VEZT: variants seen among roughly 807,000 people sequenced by gnomAD.
VEZT encodes the protein vezatin, adherens junctions transmembrane protein, also known as vezatin.
VEZT carries 39 observed loss-of-function variants against 79.9 expected under a neutral mutation model. The ratio of observed to expected loss-of-function variants is 0.49; its 90% CI spans 0.38 to 0.64. The LOEUF (loss-of-function observed/expected upper bound fraction) is 0.64. Among genes scored for constraint, VEZT ranks in the 30% least tolerant of loss-of-function variants. The pLI, the probability that VEZT is intolerant of heterozygous loss-of-function variation, is 0.00. For synonymous variants in VEZT, 325 were observed against 327.6 expected (o/e 0.99, Z 0.09); for missense variants, 837 against 893.1 (o/e 0.94, Z 0.80).
At chr12:95,293,792 T>G (rs934106714) in intron 9 of VEZT, 1 of 154,752 alleles carries the variant, frequency 6.5e-6, no homozygotes, top group African/African-American at 2.4e-5. Context: ...GTAAATCTAC[T>G]AATTTATTGT....
intron 1 of VEZT, among the ~76,000 whole-genome samples, chr12:95,234,217 G>T (rs1310664677): frequency 6.7e-6 from 1 of 149,776 alleles, no homozygotes; most frequent in Non-Finnish European, 1.5e-5. Flanking sequence ...ATTATTACTG[G>T]TTTATGTGGC....
intron 6 of VEZT, among the ~76,000 whole-genome samples, chr12:95,274,414 C>T (rs536551796): frequency 2.6e-5 from 4 of 152,030 alleles, no homozygotes; most frequent in Admixed American, 6.6e-5. Context: ...TGCAGTGAGC[C>T]GGGTTGGTGC....
At chr12:95,241,405 A>G (rs916185792) in intron 1 of VEZT, among the ~76,000 whole-genome samples, 2 of 152,118 alleles carry the variant, frequency 1.3e-5, no homozygotes, top group Non-Finnish European at 1.5e-5. Context: ...TCCAGGCTCA[A>G]GCAATCCTTC....
intron 7 of VEZT, among the ~76,000 whole-genome samples, 200 bp downstream of exon 7, chr12:95,275,089 T>G (rs1293361155): frequency 1.3e-5 from 2 of 152,216 alleles, no homozygotes; most frequent in Non-Finnish European, 2.9e-5. Context: ...ATCCTTAGAT[T>G]TTGACGTCCA....
intron 11 of VEZT, 108 bp downstream of exon 11, chr12:95,296,366 C>A: frequency 2.0e-6 from 2 of 1,021,306 alleles, no homozygotes; most frequent in African/African-American, 1.6e-5. Flanking sequence ...TTATAAGGGT[C>A]CACCAGTATG....
intron 11 of VEZT, chr12:95,299,303 G>T (rs894090549): frequency 6.5e-6 from 1 of 154,630 alleles, no homozygotes; most frequent in African/African-American, 2.4e-5. Flanking sequence ...ATACTATATT[G>T]TATTGTACTA....
chr12:95,239,056 C>T (rs1248648492), intron 1 of VEZT, among the ~76,000 whole-genome samples: 2 of 152,108 alleles, frequency 1.3e-5, no homozygotes, highest in East Asian at 3.8e-4. Flanking sequence ...GCTATTCATA[C>T]ATATATAAGT....
At chr12:95,227,728 G>A (rs1395842886) in intron 1 of VEZT, among the ~76,000 whole-genome samples, 3 of 152,134 alleles carry the variant, frequency 2.0e-5, no homozygotes, top group African/African-American at 4.8e-5. Context: ...AAAGTGCTGG[G>A]ATTACAGACA....
Position 95,252,012 on chromosome 12 carries a change from A to G in VEZT, c.109A>G (p.Lys37Glu). 1 of 1,612,830 alleles carries G rather than the reference A, an allele frequency of 6.2e-7. No individual in the cohort carries two copies. The highest frequency in any genetic ancestry group is 8.5e-7 in the Non-Finnish European group (1 of 1,179,394). ...DFEICSSLSPKTEKCTTEGQQ... is the reference protein window; with the variant it reads ...DFEICSSLSPETEKCTTEGQQ... ...TGAAATATGTTCTTCTTTGTCACCA[A>G]AAACAGAAAAATGCACAACAGAGGG... is the stretch of plus-strand genomic sequence containing the variant. The change falls in exon 2 of 12, where the codon AAA becomes GAA. Residue 37 changes from lysine to glutamate, a missense_variant. Transcript: ENST00000436874.
chr12:95,292,430 A>G (rs1273537230), intron 9 of VEZT, among the ~76,000 whole-genome samples: 1 of 152,166 alleles, frequency 6.6e-6, no homozygotes, highest in African/African-American at 2.4e-5. Context: ...TGTTCTGCTA[A>G]TTAGGCAATA....
Position 95,282,383 on chromosome 12 carries a change from C to T in VEZT, c.1067C>T (p.Ala356Val). ...FRRLALLLST[A>V]NSPPGPLLTP... Reference sequence around the variant, plus strand: ...CGGTTAGCCCTATTACTTTCTACAGCCAATTCACCTCCTGGGCCCTTACTT... The same window carrying T: ...CGGTTAGCCCTATTACTTTCTACAGTCAATTCACCTCCTGGGCCCTTACTT... The change falls in exon 8 of 12, where the codon GCC becomes GTC. Residue 356 changes from alanine to valine, a missense_variant. Coordinates refer to ENST00000436874, the MANE Select transcript of VEZT (RefSeq NM_017599.4). 1.9e-6 allele frequency: 3 copies of T among 1,613,888 alleles called. No homozygotes were observed. Among genetic ancestry groups the T allele is most frequent in the Non-Finnish European group, 1.7e-6 (2 of 1,179,874 alleles).
intron 9 of VEZT, among the ~76,000 whole-genome samples, chr12:95,288,672 TTAGA>T (rs1234363615): frequency 1.3e-4 from 20 of 152,214 alleles, no homozygotes; most frequent in African/African-American, 4.6e-4. Context: ...GAACAAATCC[TTAGA>T]TAGGAAAAGT....
At chr12:95,249,645 C>T (rs1444111420) in intron 1 of VEZT, among the ~76,000 whole-genome samples, 1 of 152,212 alleles carries the variant, frequency 6.6e-6, no homozygotes, top group Non-Finnish European at 1.5e-5. Flanking sequence ...TCCCACTCTT[C>T]CTTATTCTTC....
chr12:95,268,455 G>A (rs564374654), intron 5 of VEZT, among the ~76,000 whole-genome samples: 7 of 152,204 alleles, frequency 4.6e-5, no homozygotes, highest in South Asian at 2.1e-4. Flanking sequence ...CCGAGATCGC[G>A]CTACTGCACT....
intron 1 of VEZT, 79 bp from the exon 2 acceptor site, chr12:95,251,861 G>C: frequency 3.6e-6 from 5 of 1,370,858 alleles, no homozygotes; most frequent in Non-Finnish European, 5.0e-6. Context: ...CAATAGTGAA[G>C]TCTGGTATTA....
intron 8 of VEZT, among the ~76,000 whole-genome samples, chr12:95,285,253 A>G (rs2070410005): frequency 6.6e-6 from 1 of 151,842 alleles, no homozygotes; most frequent in Non-Finnish European, 1.5e-5. Context: ...GACCAGCCTA[A>G]GCAACATGGG....
At chr12:95,238,742 C>A (rs1214250347) in intron 1 of VEZT, among the ~76,000 whole-genome samples, 1 of 152,220 alleles carries the variant, frequency 6.6e-6, no homozygotes, top group Non-Finnish European at 1.5e-5. Context: ...AATCAGAAAT[C>A]TTAATCTTGA....
chr12:95,269,821 T>A, intron 5 of VEZT: 1 of 367,434 alleles, frequency 2.7e-6, no homozygotes, highest in Non-Finnish European at 4.7e-6. Context: ...AGATGTTAAT[T>A]TTTTGTCTTT....
intron 1 of VEZT, among the ~76,000 whole-genome samples, chr12:95,246,342 C>G (rs767804544): frequency 2.6e-5 from 4 of 152,080 alleles, no homozygotes; most frequent in Admixed American, 6.5e-5. Flanking sequence ...AAACTGGTCT[C>G]GAACTCCTGA....
Sources: allele counts gnomAD v4.1 joint callset (sites outside exome capture counted in the v4.1 genomes callset), GRCh38; gene constraint gnomAD v4.1.1; transcripts MANE v1.5; gene names NCBI Gene and HGNC (gene_info 2026-07-23, HGNC 2026-07-21).